Variants in BACH1 observed in about 807,000 individuals in gnomAD.
BACH1 encodes the protein transcription regulator protein BACH1.
A neutral mutation model predicts 52.9 loss-of-function variants in BACH1; 35 were observed. The observed-to-expected ratio is 0.66, with a 90% CI of 0.51 to 0.88. The LOEUF (loss-of-function observed/expected upper bound fraction) is 0.88, where lower values mean the gene tolerates loss of function less well. Among genes scored for constraint, BACH1 ranks in the 40% least tolerant of loss-of-function variants. The pLI, the probability that BACH1 is intolerant of heterozygous loss-of-function variation, is 0.00. For missense variants in BACH1, 808 were observed against 872.6 expected (o/e 0.93, Z 0.93); for synonymous variants, 321 against 319.6 (o/e 1.00, Z -0.05).
At chr21:29,306,317 A>G (rs1387856709) in intron 1 of BACH1, among the ~76,000 whole-genome samples, 2 of 151,628 alleles carry the variant, frequency 1.3e-5, no homozygotes, top group Non-Finnish European at 2.9e-5. Flanking sequence ...CACAAGTTCA[A>G]GTGTCACAAG....
At chr21:29,307,361 A>G (rs747149627) in intron 1 of BACH1, among the ~76,000 whole-genome samples, 6 of 152,154 alleles carry the variant, frequency 3.9e-5, no homozygotes, top group East Asian at 1.9e-4. Flanking sequence ...TACATTGTAG[A>G]AAGATTAAAT....
At chr21:29,334,924 C>G (rs912099034) in intron 4 of BACH1, among the ~76,000 whole-genome samples, 1 of 152,224 alleles carries the variant, frequency 6.6e-6, no homozygotes, top group African/African-American at 2.4e-5. Context: ...AACCTGCCCT[C>G]TGTCATTCCG....
At chr21:29,334,229 C>A (rs1433751670) in intron 4 of BACH1, among the ~76,000 whole-genome samples, 2 of 152,044 alleles carry the variant, frequency 1.3e-5, no homozygotes, top group African/African-American at 2.4e-5. Flanking sequence ...TCCCGAGTAG[C>A]TGGGACTACA....
At chr21:29,304,206 A>C (rs1290889923) in intron 1 of BACH1, among the ~76,000 whole-genome samples, 1 of 150,740 alleles carries the variant, frequency 6.6e-6, no homozygotes, top group Non-Finnish European at 1.5e-5. Context: ...GGTCACTGCA[A>C]CCTCCGCCTC....
chr21:29,300,436 A>G (rs1466427771), intron 1 of BACH1, among the ~76,000 whole-genome samples: 1 of 152,166 alleles, frequency 6.6e-6, no homozygotes, highest in African/African-American at 2.4e-5. Context: ...AGAAGGCTGA[A>G]GGGGACCCAG....
chr21:29,354,898 C>T (rs920487511), intron 2 of BACH1, among the ~76,000 whole-genome samples: 3 of 152,048 alleles, frequency 2.0e-5, no homozygotes, highest in Non-Finnish European at 4.4e-5. Context: ...AGGAGATAGC[C>T]CAGGACAGAC....
At chr21:29,302,935 C>T (rs958838731) in intron 1 of BACH1, among the ~76,000 whole-genome samples, 1 of 152,198 alleles carries the variant, frequency 6.6e-6, no homozygotes, top group Non-Finnish European at 1.5e-5. Flanking sequence ...TTGAGGTAGT[C>T]ACTAACCAGT....
intron 1 of BACH1, among the ~76,000 whole-genome samples, chr21:29,314,210 T>C (rs2088761063): frequency 6.6e-6 from 1 of 152,186 alleles, no homozygotes; most frequent in Non-Finnish European, 1.5e-5. Context: ...AATCTGTTAG[T>C]CTTGTTTTGG....
In BACH1 at chr21:29,326,452, ATG is replaced by A; in HGVS notation, c.631_632del (p.Cys211LeufsTer26). On this transcript the variant is annotated frameshift_variant, in exon 3 of 5. Coordinates refer to ENST00000286800, the MANE Select transcript of BACH1 (RefSeq NM_001186.4). LOFTEE classifies it high-confidence loss of function. The part of the protein sequence containing the change: ...QDSASQTYES[M>X]CLEKDAALAL... ...CAGTGCCAGTCAGACATATGAGTCC[ATG>A]TGCTTAGAGAAGGATGCTGCTCTGG... 1 of 1,614,268 alleles carries A rather than the reference ATG, an allele frequency of 6.2e-7. No individual in the cohort carries two copies. The highest frequency in any genetic ancestry group is 8.5e-7 in the Non-Finnish European group (1 of 1,180,048).
intron 2 of BACH1, among the ~76,000 whole-genome samples, chr21:29,354,453 C>A (rs1331419401): frequency 6.6e-6 from 1 of 152,056 alleles, no homozygotes; most frequent in Admixed American, 6.5e-5. Flanking sequence ...CAGTAAGAAA[C>A]CACGGCTGTA....
At chr21:29,340,605 C>G (rs2089100094) in intron 4 of BACH1, among the ~76,000 whole-genome samples, 1 of 152,160 alleles carries the variant, frequency 6.6e-6, no homozygotes, top group African/African-American at 2.4e-5. Context: ...AAAGACCAAC[C>G]AGCAGTTGAA....
At chr21:29,358,174 A>G (rs889631948) in intron 2 of BACH1, among the ~76,000 whole-genome samples, 1 of 152,238 alleles carries the variant, frequency 6.6e-6, no homozygotes, top group Admixed American at 6.5e-5. Flanking sequence ...GATGTTAGCA[A>G]TTCAGCGTAA....
intron 3 of BACH1, 128 bp from the exon 4 acceptor site, chr21:29,329,359 A>C: frequency 9.3e-6 from 6 of 643,264 alleles, no homozygotes; most frequent in Non-Finnish European, 1.2e-5. Flanking sequence ...AAATTGGGAT[A>C]GAGGCCTATG....
intron 1 of BACH1, among the ~76,000 whole-genome samples, chr21:29,306,679 A>G (rs2088661767): frequency 6.6e-6 from 1 of 152,184 alleles, no homozygotes; most frequent in South Asian, 2.1e-4. Flanking sequence ...TAACAGTGAC[A>G]TCCTTGTCTA....
intron 1 of BACH1, chr21:29,299,406 C>G (rs948006140): frequency 6.5e-6 from 1 of 152,816 alleles, no homozygotes; most frequent in Admixed American, 6.5e-5. Context: ...CACCGCATGC[C>G]CAGCCTCGCG....
In BACH1 at chr21:29,354,041, T is replaced by G. The variant is rs2089218625; in HGVS notation, c.472+24348T>G. On this transcript the variant is annotated intron_variant, in intron 2 of 4. Coordinates refer to the BACH1 transcript ENST00000422809. ...CCCTCAGGTACAGAAGCTGAGGGAT[T>G]GCTCATGGTCAACCAATGGAGCTCT... Among the ~76,000 whole-genome samples, 3 of 152,064 alleles carry G rather than the reference T, an allele frequency of 2.0e-5. No individual in the cohort carries two copies. In the South Asian group the frequency reaches 6.2e-4, roughly 31 times the overall value.
intron 4 of BACH1, 135 bp downstream of exon 4, chr21:29,329,828 T>G: frequency 1.5e-6 from 1 of 673,896 alleles, no homozygotes; most frequent in South Asian, 3.4e-5. Flanking sequence ...CATTTTATCA[T>G]TTTTACCATG....
downstream of BACH1, among the ~76,000 whole-genome samples, chr21:29,351,011 C>T (rs1468456253): frequency 6.6e-6 from 1 of 152,156 alleles, no homozygotes; most frequent in Non-Finnish European, 1.5e-5. Flanking sequence ...TTTTCCTCTT[C>T]CTCATCTTAT....
chr21:29,301,646 A>G (rs1190590849), intron 1 of BACH1, among the ~76,000 whole-genome samples: 1 of 152,218 alleles, frequency 6.6e-6, no homozygotes, highest in Non-Finnish European at 1.5e-5. Context: ...GGTTGGTTTA[A>G]TGTATGTGAT....
Sources: allele counts gnomAD v4.1 joint callset (sites outside exome capture counted in the v4.1 genomes callset), GRCh38; gene constraint gnomAD v4.1.1; transcripts MANE v1.5; gene names NCBI Gene and HGNC (gene_info 2026-07-23, HGNC 2026-07-21).